TSHZ2: variants seen among roughly 807,000 people sequenced by gnomAD.
TSHZ2 encodes teashirt zinc finger homeobox 2.
Under a neutral mutation model 74.4 loss-of-function variants are expected in TSHZ2, and 21 were observed. The observed-to-expected ratio is 0.28, with a 90% confidence interval of 0.20 to 0.41. TSHZ2 has a LOEUF of 0.41. Among genes scored for constraint, TSHZ2 ranks in the 10% least tolerant of loss-of-function variants. TSHZ2 has a pLI of 1.00. For synonymous variants in TSHZ2, 540 were observed against 515.3 expected (o/e 1.05, Z -0.65); for missense variants, 1,244 against 1,293.5 (o/e 0.96, Z 0.59).
intron 1 of TSHZ2, among the ~76,000 whole-genome samples, chr20:53,055,192 G>A (rs1175144477): frequency 6.6e-6 from 1 of 152,190 alleles, no homozygotes; most frequent in East Asian, 1.9e-4. Context: ...GTCTTCCACA[G>A]GTTTTATATT....
chr20:53,104,291 G>A (rs978687870), intron 1 of TSHZ2, among the ~76,000 whole-genome samples: 5 of 152,138 alleles, frequency 3.3e-5, no homozygotes, highest in African/African-American at 1.2e-4. Flanking sequence ...CACAGACACC[G>A]GAAGACCTGA....
At chr20:53,120,630 A>G (rs1907793388) in intron 1 of TSHZ2, among the ~76,000 whole-genome samples, 1 of 152,206 alleles carries the variant, frequency 6.6e-6, no homozygotes, top group South Asian at 2.1e-4. Flanking sequence ...ACACCCTGTA[A>G]CAAAGTAAAA....
chr20:53,309,060 ACAGAG>A (rs1332808986), intron 2 of TSHZ2, among the ~76,000 whole-genome samples: 4 of 152,372 alleles, frequency 2.6e-5, no homozygotes, highest in Admixed American at 1.3e-4. Context: ...AACAGGCAAG[ACAGAG>A]CAGAGTGCTC....
intron 1 of TSHZ2, among the ~76,000 whole-genome samples, chr20:53,032,469 T>A (rs899008108): frequency 5.3e-5 from 8 of 152,152 alleles, no homozygotes; most frequent in African/African-American, 1.9e-4. Context: ...AAACTCTTGA[T>A]TGATGCCAAA....
chr20:52,992,229 ACAGT>A (rs1362071416), intron 1 of TSHZ2, among the ~76,000 whole-genome samples: 1 of 152,244 alleles, frequency 6.6e-6, no homozygotes. Flanking sequence ...TACCTGGAAC[ACAGT>A]CAGTGGGTTG....
At chr20:53,478,353 TC>T (rs1445088866) in intron 2 of TSHZ2, among the ~76,000 whole-genome samples, 1 of 151,882 alleles carries the variant, frequency 6.6e-6, no homozygotes, top group African/African-American at 2.4e-5. Flanking sequence ...TGAGTTCATG[TC>T]CTTTGTAGGG....
chr20:53,152,499 G>GAA (rs1987697921), intron 1 of TSHZ2, among the ~76,000 whole-genome samples: 1 of 152,162 alleles, frequency 6.6e-6, no homozygotes, highest in African/African-American at 2.4e-5. Context: ...CTGAATGGCT[G>GAA]TTGCTCTACT....
chr20:53,247,842 CTTATG>C (rs1475726433), intron 1 of TSHZ2, among the ~76,000 whole-genome samples: 2 of 152,114 alleles, frequency 1.3e-5, no homozygotes, highest in African/African-American at 2.4e-5. Context: ...TTAAATTGTT[CTTATG>C]TTATGATTCC....
intron 1 of TSHZ2, among the ~76,000 whole-genome samples, chr20:52,973,640 T>C (rs1206580387): frequency 6.6e-6 from 1 of 152,170 alleles, no homozygotes; most frequent in Non-Finnish European, 1.5e-5. Context: ...CAAAGTCGGA[T>C]TGAGGATTTG....
intron 1 of TSHZ2, among the ~76,000 whole-genome samples, chr20:53,091,731 CAG>C (rs1286516147): frequency 6.6e-6 from 1 of 152,084 alleles, no homozygotes; most frequent in Non-Finnish European, 1.5e-5. Flanking sequence ...TTCAGAAATT[CAG>C]AGAGTGTGCT....
In TSHZ2 at chr20:52,973,315, G is replaced by T; in HGVS notation, c.22G>T (p.Ala8Ser). The T allele has an allele frequency of 1.3e-6, 2 of 1,550,424 alleles. No individual in the cohort carries two copies. The highest frequency in any genetic ancestry group is 1.7e-6 in the Non-Finnish European group (2 of 1,146,312). MPRRKQQ[A>S]PKRAAGYAQE... ...GAGGATGCCGAGGAGAAAACAGCAG[G>T]CACCCAAGCGGGCGGCAGGTAAGAG... is the stretch of plus-strand genomic sequence containing the variant. The change falls in exon 1 of 3, where the codon GCA (alanine) becomes TCA (serine). Residue 8 changes from alanine (A) to serine (S), a missense_variant. This residue lies in a region of TSHZ2 where 5 missense variants were observed against 18.6 expected (regional missense o/e 0.27). Coordinates refer to ENST00000371497, the MANE Select transcript of TSHZ2 (RefSeq NM_173485.6).
intron 1 of TSHZ2, among the ~76,000 whole-genome samples, chr20:53,008,557 CTT>C (rs34485556): frequency 1.7e-3 from 246 of 145,886 alleles, no homozygotes; most frequent in African/African-American, 3.1e-3. Context: ...TTATAATCAC[CTT>C]TTTTTTTTTT....
At chr20:53,102,467 A>G (rs1600690478) in intron 1 of TSHZ2, among the ~76,000 whole-genome samples, 2 of 133,896 alleles carry the variant, frequency 1.5e-5, no homozygotes, top group African/African-American at 2.8e-5. Context: ...AGGAGAGGGG[A>G]GGGAAGAAGA....
chr20:53,143,406 G>T (rs1009671228), intron 1 of TSHZ2, among the ~76,000 whole-genome samples: 1 of 152,226 alleles, frequency 6.6e-6, no homozygotes, highest in East Asian at 1.9e-4. Context: ...AAAAATAATT[G>T]TAATAGGCCG....
intron 1 of TSHZ2, among the ~76,000 whole-genome samples, chr20:53,153,223 G>A (rs1987716166): frequency 6.6e-6 from 1 of 152,202 alleles, no homozygotes; most frequent in Non-Finnish European, 1.5e-5. Context: ...TAGCTCTGTA[G>A]CGAGGCAAGC....
intron 2 of TSHZ2, among the ~76,000 whole-genome samples, chr20:53,453,510 G>C (rs912500685): frequency 4.6e-5 from 7 of 152,138 alleles, no homozygotes. Context: ...TCTAATAATA[G>C]AGGAGGTTTA....
At chr20:53,329,619 C>T (rs1008924079) in intron 2 of TSHZ2, among the ~76,000 whole-genome samples, 1 of 140,606 alleles carries the variant, frequency 7.1e-6, no homozygotes, top group Non-Finnish European at 1.5e-5. Flanking sequence ...AAACATGGGC[C>T]TTGCGTCTAG....
At chr20:53,160,043 C>T (rs922068418) in intron 1 of TSHZ2, among the ~76,000 whole-genome samples, 6 of 152,132 alleles carry the variant, frequency 3.9e-5, no homozygotes, top group African/African-American at 1.4e-4. Flanking sequence ...AGTCCATCAT[C>T]CCAGAAGGGA....
Position 53,371,889 on chromosome 20 carries a change from GA to G in TSHZ2, c.*9-115245del, listed in dbSNP as rs979235959. Among the ~76,000 whole-genome samples, 493 of 119,278 alleles carry G rather than the reference GA, an allele frequency of 4.1e-3. 5 individuals are homozygous for G. The highest frequency in any genetic ancestry group is 0.024 in the African/African-American group (456 of 18,826). The allele number at this position is 119,278 out of a possible 152,430, so 78.3% of individuals were successfully genotyped here. A position where few individuals can be genotyped will look rare whatever the true frequency, so the allele number is the denominator to read the frequency against. On this transcript the variant is annotated intron_variant, in intron 2 of 2. Transcript: ENST00000371497. ...GACTCCGTCTCAAAAAAAAAAAAAA[GA>G]AAAAAAAAAGAGTCAGCAGGACATG...
Sources: gnomAD v4.1 joint callset for allele counts (sites outside exome capture counted in the v4.1 genomes callset) on GRCh38, gnomAD v4.1.1 for gene constraint, gnomAD v4.1.1 regional missense constraint, MANE v1.5 for transcripts, NCBI Gene and HGNC (gene_info 2026-07-23, HGNC 2026-07-21) for gene names.